The following PTGFRN variants were observed in gnomAD, a reference collection of about 807,000 sequenced individuals.
PTGFRN encodes the protein prostaglandin F2 receptor inhibitor.
In PTGFRN, 35 loss-of-function variants were observed where a neutral mutation model predicts 83.2. The ratio of observed to expected loss-of-function variants is 0.42; its 90% CI spans 0.32 to 0.56. PTGFRN has a LOEUF of 0.56. Ranked by LOEUF, PTGFRN falls within the 20% of genes least tolerant of loss-of-function variation. PTGFRN has a pLI of 0.11. For missense variants in PTGFRN, 1,051 were observed against 1,179.5 expected (o/e 0.89, Z 1.60); for synonymous variants, 519 against 498.6 (o/e 1.04, Z -0.55).
intron 1 of PTGFRN, among the ~76,000 whole-genome samples, chr1:116,919,258 A>G (rs906568291): frequency 6.6e-6 from 1 of 152,204 alleles, no homozygotes; most frequent in Non-Finnish European, 1.5e-5. Flanking sequence ...GGGAAAAGGC[A>G]GTAACCTATG....
chr1:116,968,058 A>G (rs569777299), intron 6 of PTGFRN, among the ~76,000 whole-genome samples: 2 of 152,340 alleles, frequency 1.3e-5, no homozygotes, highest in Admixed American at 1.3e-4. Flanking sequence ...AAAGTGGAAG[A>G]TCTTTAACAT....
intron 7 of PTGFRN, among the ~76,000 whole-genome samples, chr1:116,979,917 CA>C (rs1250886365): frequency 2.0e-5 from 3 of 152,112 alleles, no homozygotes; most frequent in African/African-American, 7.2e-5. Context: ...AAGAAACTAC[CA>C]TCAGAGTGAA....
In PTGFRN at chr1:116,990,229, G is replaced by C. The variant is rs896749069; in HGVS notation, c.*3262G>C. ...CAGAATTTTCCGTAGACAAAGAAAGGATCTTGTGTATTTTTGTCCATATCC... is the reference window on the plus strand; with the variant it reads ...CAGAATTTTCCGTAGACAAAGAAAGCATCTTGTGTATTTTTGTCCATATCC... On this transcript the variant is annotated 3_prime_UTR_variant, in exon 9 of 9. Coordinates refer to ENST00000393203, the MANE Select transcript of PTGFRN (RefSeq NM_020440.4). 1 of 152,610 alleles carries C rather than the reference G, an allele frequency of 6.6e-6. No individual in the cohort carries two copies. The highest frequency in any genetic ancestry group is 1.5e-5 in the Non-Finnish European group (1 of 68,036). 9.5% of individuals were successfully genotyped at this position (152,610 alleles called of 1,614,324 possible).
rs115666682 is a variant in PTGFRN at position 116,961,723 on chromosome 1, C to T, written c.1639+55C>T. ...TGTTTTGTCTTTGCTTAAGTCGTGC[C>T]GCTGTGTGTTGATGCACAGTCACCC... On this transcript the variant is annotated intron_variant, in intron 5 of 8. Transcript: ENST00000393203. This position sits in a 1 kb window ranked among gnomAD's most constrained non-coding sequence, Gnocchi z 5.4. 156 of 1,505,614 alleles carry T rather than the reference C, an allele frequency of 1.0e-4. No homozygotes were observed. In the Middle Eastern group the frequency reaches 1.1e-3, roughly 11 times the overall value. The allele number at this position is 1,505,614 out of a possible 1,614,324, so 93.3% of individuals were successfully genotyped here. A position where few individuals can be genotyped will look rare whatever the true frequency, so the allele number is the denominator to read the frequency against.
rs908871208 is a variant in PTGFRN at position 116,933,689 on chromosome 1, A to AT, written c.50-8018dup. Among the ~76,000 whole-genome samples the AT allele has an allele frequency of 5.0e-4, 76 of 151,692 alleles. No individual in the cohort carries two copies. The East Asian group carries it at 0.012, about 24-fold the overall frequency. On this transcript the variant is annotated intron_variant, in intron 1 of 8. Transcript: ENST00000393203. The stretch of plus-strand genomic sequence containing the variant: ...GTTTATGTTGCCTTCCTATTTGAGG[A>AT]TTTTTTTTCTCTGTATAGAATCCTA...
At chr1:116,916,051 C>T (rs746207092) in intron 1 of PTGFRN, among the ~76,000 whole-genome samples, 12 of 152,170 alleles carry the variant, frequency 7.9e-5, no homozygotes, top group Non-Finnish European at 1.6e-4. Flanking sequence ...CAGCAATATG[C>T]GTTTCCAGTA....
At chr1:116,919,639 A>G (rs534861620) in intron 1 of PTGFRN, among the ~76,000 whole-genome samples, 33 of 152,346 alleles carry the variant, frequency 2.2e-4, no homozygotes, top group African/African-American at 7.9e-4. Context: ...AAACTGAGTC[A>G]CAGAGGTGAA....
chr1:116,930,036 A>G (rs530146517), intron 1 of PTGFRN, among the ~76,000 whole-genome samples: 1 of 152,274 alleles, frequency 6.6e-6, no homozygotes, highest in South Asian at 2.1e-4. Context: ...ACTTTTCTGC[A>G]TGTTTGACAT....
intron 6 of PTGFRN, among the ~76,000 whole-genome samples, chr1:116,970,481 ATCTT>A (rs766936172): frequency 6.6e-6 from 1 of 151,624 alleles, no homozygotes; most frequent in Non-Finnish European, 1.5e-5. Context: ...TTGTTATTTG[ATCTT>A]TCTTTTAAAC....
intron 7 of PTGFRN, among the ~76,000 whole-genome samples, chr1:116,979,789 A>G (rs1210412960): frequency 6.6e-6 from 1 of 152,244 alleles, no homozygotes; most frequent in Non-Finnish European, 1.5e-5. Flanking sequence ...CCTAGGCAGT[A>G]CCATTCAGGA....
At chr1:116,974,365 G>A in intron 7 of PTGFRN, 42 bp downstream of exon 7, 2 of 1,446,674 alleles carry the variant, frequency 1.4e-6, no homozygotes, top group South Asian at 1.2e-5. Flanking sequence ...GTTGCTTTCT[G>A]TAAATGTTTC....
At chr1:116,939,254 A>G (rs2101061962) in intron 1 of PTGFRN, among the ~76,000 whole-genome samples, 2 of 152,186 alleles carry the variant, frequency 1.3e-5, no homozygotes, top group East Asian at 3.9e-4. Context: ...CCTTTTCCTC[A>G]CTGCCCTAGC....
At position 116,986,795 on chromosome 1, in the gene PTGFRN, T is replaced by C; in HGVS notation, c.2474-6T>C. The stretch of plus-strand genomic sequence containing the variant: ...ACTGGCTTCCCCTTTGATCTCTCCC[T>C]CCCAGTGCTGAACGCCTTCAAGTAT... On this transcript the variant is annotated splice_region_variant and splice_polypyrimidine_tract_variant and intron_variant, in intron 8 of 8. Transcript: ENST00000393203. The C allele has an allele frequency of 6.2e-7, 1 of 1,613,752 alleles. No individual in the cohort carries two copies. Among genetic ancestry groups the C allele is most frequent in the Non-Finnish European group, 8.5e-7 (1 of 1,179,852 alleles).
At chr1:116,919,026 A>G (rs956606766) in intron 1 of PTGFRN, among the ~76,000 whole-genome samples, 1 of 152,196 alleles carries the variant, frequency 6.6e-6, no homozygotes, top group African/African-American at 2.4e-5. Flanking sequence ...AGTCTAGGAA[A>G]GTAGGAGGTG....
At chr1:116,947,761 C>T (rs1650237677) in intron 3 of PTGFRN, among the ~76,000 whole-genome samples, 1 of 152,210 alleles carries the variant, frequency 6.6e-6, no homozygotes, top group African/African-American at 2.4e-5. Context: ...ATGGTTCAAA[C>T]TGCAGAGCCT....
In PTGFRN at chr1:116,988,713, C is replaced by A. The variant is rs774825923; in HGVS notation, c.*1746C>A. The A allele has an allele frequency of 6.5e-6, 1 of 152,852 alleles. No individual in the cohort carries two copies. Among genetic ancestry groups the A allele is most frequent in the Non-Finnish European group, 1.5e-5 (1 of 68,066 alleles). 9.5% of individuals were successfully genotyped at this position (152,852 alleles called of 1,614,324 possible). Reference sequence around the variant, plus strand: ...GCCGGTTCTGCACTTATCACCGAGTCGCCCCTGGAAGCAGATTCCCATTGA... The same window carrying A: ...GCCGGTTCTGCACTTATCACCGAGTAGCCCCTGGAAGCAGATTCCCATTGA... On this transcript the variant is annotated 3_prime_UTR_variant, in exon 9 of 9. Coordinates refer to ENST00000393203, the MANE Select transcript of PTGFRN (RefSeq NM_020440.4).
intron 4 of PTGFRN, among the ~76,000 whole-genome samples, chr1:116,951,684 G>A (rs1650354094): frequency 6.6e-6 from 1 of 151,640 alleles, no homozygotes; most frequent in Non-Finnish European, 1.5e-5. Context: ...TTCCTCTTAA[G>A]ACTTCTCCTC....
intron 1 of PTGFRN, among the ~76,000 whole-genome samples, chr1:116,933,872 T>G (rs1310348558): frequency 1.3e-5 from 2 of 152,252 alleles, no homozygotes; most frequent in Admixed American, 6.5e-5. Context: ...GTTTTATTTG[T>G]ATTTATTCTG....
Position 116,984,709 on chromosome 1 carries a change from G to A in PTGFRN, c.2197G>A (p.Ala733Thr). ...CATGGCCTTTGATGTGTCCTGGTTT[G>A]CGGTGCACTCTTTTGGCCTGGACAA... is the stretch of plus-strand genomic sequence containing the variant. ...DDMAFDVSWF[A>T]VHSFGLDKAP... is the part of the protein sequence containing the mutation. The change falls in exon 8 of 9, where the codon GCG becomes ACG. Residue 733 changes from alanine (A) to threonine (T), a missense_variant. This residue lies in a region of PTGFRN where 719 missense variants were observed against 836.6 expected (regional missense o/e 0.86). Coordinates refer to ENST00000393203, the MANE Select transcript of PTGFRN (RefSeq NM_020440.4). 1 of 1,614,080 alleles carries A rather than the reference G, an allele frequency of 6.2e-7. No individual in the cohort carries two copies. The highest frequency in any genetic ancestry group is 8.5e-7 in the Non-Finnish European group (1 of 1,180,010).
Sources: allele counts gnomAD v4.1 joint callset (sites outside exome capture counted in the v4.1 genomes callset), GRCh38; gene constraint gnomAD v4.1.1; regional missense constraint gnomAD v4.1.1; non-coding constraint Gnocchi (gnomAD v3.1); transcripts MANE v1.5; gene names NCBI Gene and HGNC (gene_info 2026-07-23, HGNC 2026-07-21).